INF2: variants seen among roughly 807,000 people sequenced by gnomAD.
INF2 encodes inverted formin-2.
A neutral mutation model predicts 123.5 loss-of-function variants in INF2; 43 were observed. The ratio of observed to expected loss-of-function variants is 0.35; its 90% CI spans 0.27 to 0.45. INF2 has a LOEUF of 0.45. Among genes scored for constraint, INF2 ranks in the 20% least tolerant of loss-of-function variants. INF2 has a pLI of 1.00. For synonymous variants in INF2, 851 were observed against 745.0 expected (o/e 1.14, Z -2.32); for missense variants, 1,453 against 1,682.7 (o/e 0.86, Z 2.39).
intron 1 of INF2, among the ~76,000 whole-genome samples, chr14:104,692,839 G>A (rs370495348): frequency 7.9e-5 from 12 of 152,234 alleles, no homozygotes; most frequent in Admixed American, 1.3e-4. Flanking sequence ...TTCCTCTTTC[G>A]CCTGCAGCTT....
At chr14:104,713,669 A>T (rs1890159885) in intron 20 of INF2, 63 bp downstream of exon 20, 11 of 1,557,008 alleles carry the variant, frequency 7.1e-6, no homozygotes, top group Non-Finnish European at 9.6e-6. Context: ...CTGTGCCTCC[A>T]GGAAGTCCTC....
chr14:104,701,463 C>T lies in INF2; in HGVS notation c.98C>T (p.Ala33Val). 6.3e-7 allele frequency: 1 copy of T among 1,599,630 alleles called. No individual in the cohort carries two copies. Among genetic ancestry groups the T allele is most frequent in the South Asian group, 1.1e-5 (1 of 88,830 alleles). ...CCCACGGAGGCCAACCTGGAGAGCG[C>T]GGACCCCGAGCTGTGCATCCGGCTG... ...SDPTEANLES[A>V]DPELCIRLLQ... Residue 33 changes from alanine to valine, a missense_variant, in exon 2 of 23, where the codon GCG becomes GTG. Transcript: ENST00000392634.
intron 5 of INF2, 129 bp downstream of exon 5, chr14:104,704,078 A>G: frequency 1.3e-6 from 2 of 1,535,172 alleles, no homozygotes; most frequent in Non-Finnish European, 1.7e-6. Context: ...GCTCCCTCGG[A>G]GTAACCCCAG....
intron 22 of INF2, chr14:104,717,467 C>G (rs1890365697): frequency 6.6e-6 from 1 of 152,326 alleles, no homozygotes. Context: ...ATAATTCCTT[C>G]TCTAGTTGTT....
intron 1 of INF2, among the ~76,000 whole-genome samples, chr14:104,694,463 C>T (rs1305495353): frequency 6.6e-6 from 1 of 152,216 alleles, no homozygotes; most frequent in African/African-American, 2.4e-5. Flanking sequence ...TAGCTCCGTC[C>T]CAGCCGCCAA....
Position 104,712,869 on chromosome 14 carries a change from G to A in INF2, c.2652G>A (p.Glu884=), listed in dbSNP as rs754300643. Reference sequence around the variant, plus strand: ...TCCGGGCACTGGATGAGCTGTTTGAGGCCATCGAGCAGAAGCAACGGGAGC... The same window carrying A: ...TCCGGGCACTGGATGAGCTGTTTGAAGCCATCGAGCAGAAGCAACGGGAGC... ...SAFRALDELF[E]AIEQKQRELA... is the part of the protein sequence containing the mutation. Residue 884 remains glutamate (E), a synonymous_variant, in exon 18 of 23, where the codon GAG becomes GAA. Transcript: ENST00000392634. 1 of 1,612,660 alleles carries A rather than the reference G, an allele frequency of 6.2e-7. No homozygotes were observed. Among genetic ancestry groups the A allele is most frequent in the South Asian group, 1.1e-5 (1 of 91,084 alleles).
chr14:104,715,901 C>T (rs1268893119), intron 22 of INF2: 5 of 456,514 alleles, frequency 1.1e-5, no homozygotes, highest in Admixed American at 2.3e-5. Context: ...CTGCAACCCC[C>T]CTCCTGTTGG....
intron 1 of INF2, among the ~76,000 whole-genome samples, chr14:104,695,266 T>G (rs1157950366): frequency 6.6e-6 from 1 of 152,052 alleles, no homozygotes; most frequent in African/African-American, 2.4e-5. Context: ...CCATGGTAGG[T>G]GCTGGCAGGC....
At chr14:104,692,619 C>T (rs1247266157) in intron 1 of INF2, among the ~76,000 whole-genome samples, 4 of 152,210 alleles carry the variant, frequency 2.6e-5, no homozygotes, top group Admixed American at 1.3e-4. Flanking sequence ...GCCCGCCCTC[C>T]AGGCAACCAC....
intron 1 of INF2, among the ~76,000 whole-genome samples, chr14:104,683,754 C>T (rs973302511): frequency 6.6e-6 from 1 of 152,114 alleles, no homozygotes; most frequent in Non-Finnish European, 1.5e-5. Flanking sequence ...ACTTTATTTC[C>T]TTCCCTCCAA....
chr14:104,715,886 G>A (rs1295587913), intron 22 of INF2: 1 of 456,830 alleles, frequency 2.2e-6, no homozygotes, highest in Non-Finnish European at 4.4e-6. Context: ...CCAGGGACAA[G>A]TACACTGCAA....
upstream of INF2, among the ~76,000 whole-genome samples, chr14:104,688,356 G>A (rs996864692): frequency 1.1e-4 from 16 of 152,152 alleles, 1 homozygote; most frequent in Admixed American, 9.2e-4. Context: ...CCCCACCGGA[G>A]CGGAGGCACA....
chr14:104,698,512 C>G (rs1207635197), intron 1 of INF2, among the ~76,000 whole-genome samples: 4 of 152,226 alleles, frequency 2.6e-5, no homozygotes, highest in African/African-American at 7.2e-5. Context: ...ACAGGGAAGG[C>G]TCGGGGATGC....
At chr14:104,689,100 G>A (rs1888791250), upstream of INF2, 2 of 579,142 alleles carry the variant, frequency 3.5e-6, no homozygotes, top group Admixed American at 6.3e-5. Context: ...GGGCTGCGGA[G>A]AGGAGGCCAC....
rs1454095905 is a variant in INF2 at position 104,707,257 on chromosome 14, G to A, written c.990G>A (p.Gln330=). ...NRAVLLASDA[Q]ECTLEEVVER... The stretch of plus-strand genomic sequence containing the variant: ...CCTGGACATCCCCTACTGCAGCCCA[G>A]GAATGCACCCTGGAGGAAGTGGTTG... The change falls in exon 8 of 23, where the codon CAG becomes CAA. Residue 330 remains glutamine, a synonymous_variant. Coordinates refer to ENST00000392634, the MANE Select transcript of INF2 (RefSeq NM_022489.4). The A allele has an allele frequency of 3.1e-6, 5 of 1,608,706 alleles. No individual in the cohort carries two copies. Among genetic ancestry groups the A allele is most frequent in the Admixed American group, 1.7e-5 (1 of 59,582 alleles).
upstream of INF2, chr14:104,689,138 C>G (rs1446856518): frequency 6.6e-6 from 6 of 910,400 alleles, no homozygotes; most frequent in Admixed American, 3.1e-4. Flanking sequence ...TGGGTAGGCT[C>G]TCTCTCCCCA....
intron 22 of INF2, chr14:104,715,667 C>T (rs1030722318): frequency 7.5e-5 from 42 of 563,588 alleles, no homozygotes; most frequent in African/African-American, 4.2e-4. Context: ...GGGGCGTGGG[C>T]GGGACCTCCT....
chr14:104,697,904 A>G (rs972131348), intron 1 of INF2, among the ~76,000 whole-genome samples: 39 of 151,736 alleles, frequency 2.6e-4, no homozygotes, highest in African/African-American at 9.5e-4. Flanking sequence ...GGTGGATGGG[A>G]CGCCCCTTCT....
chr14:104,711,235 G>A lies in INF2; in HGVS notation c.2418+49G>A, dbSNP rs1205916375. 2.1e-6 allele frequency: 3 copies of A among 1,451,868 alleles called. No homozygotes were observed. In the East Asian group the frequency reaches 7.4e-5, roughly 36 times the overall value. The allele number at this position is 1,451,868 out of a possible 1,614,324, so 89.9% of individuals were successfully genotyped here. ...AATGGGAGGGCTTCAAGTCCCCCCG[G>A]ACCTGGGGTGTAGAGGCGTAGAGGC... On this transcript the variant is annotated intron_variant, in intron 15 of 22. Transcript: ENST00000392634.
Sources: gnomAD v4.1 joint callset for allele counts (sites outside exome capture counted in the v4.1 genomes callset) on GRCh38, gnomAD v4.1.1 for gene constraint, MANE v1.5 for transcripts, NCBI Gene and HGNC (gene_info 2026-07-23, HGNC 2026-07-21) for gene names.